The following TSC22D4 variants were observed in gnomAD, a reference collection of about 807,000 sequenced individuals.
TSC22D4 encodes TSC22 domain family member 4, also known as TSC22 domain family protein 4.
A neutral mutation model predicts 24.9 loss-of-function variants in TSC22D4; 5 were observed. The ratio of observed to expected loss-of-function variants is 0.20; its 90% CI spans 0.10 to 0.42. The LOEUF (loss-of-function observed/expected upper bound fraction) is 0.42. TSC22D4 is among the 10% of genes least tolerant of loss of function. The probability of loss-of-function intolerance (pLI) is 1.00; values close to 1 mark genes in which losing one functional copy is unlikely to be tolerated. For missense variants in TSC22D4, 469 were observed against 547.9 expected, an observed-to-expected ratio of 0.86 and a Z score of 1.44; for synonymous variants, 245 against 243.2, an observed-to-expected ratio of 1.01 and a Z score of -0.07.
intron 1 of TSC22D4, 43 bp from the exon 2 acceptor site, chr7:100,478,350 AGTGTGTGTGTGTGTGT>A (rs35439211): frequency 3.0e-4 from 25 of 83,732 alleles, no homozygotes; most frequent in South Asian, 1.4e-3. Flanking sequence ...AGAGAGAGAG[AGTGTGTGTGTGTGTGT>A]GTGTGTGTGT....
chr7:100,474,745 C>T lies in TSC22D4; in HGVS notation c.763-305G>A, dbSNP rs527883792. Among the ~76,000 whole-genome samples, 3 of 152,284 alleles carry T rather than the reference C, an allele frequency of 2.0e-5. No homozygotes were observed. In the East Asian group the frequency reaches 5.8e-4, roughly 29 times the overall value. On this transcript the variant is annotated intron_variant, in intron 2 of 4. Coordinates refer to ENST00000300181, the MANE Select transcript of TSC22D4 (RefSeq NM_030935.5). The surrounding 1 kb of genome is among the most constrained non-coding windows in gnomAD (Gnocchi z 4.3). ...CCCAGAATAGACTCCAATGCCCCAG[C>T]TCCCACTGGGCCGGGACCCCTAATC... is the stretch of plus-strand genomic sequence containing the variant.
At position 100,478,123 on chromosome 7, in the gene TSC22D4, C is replaced by T. The variant is rs1799544894; in HGVS notation, c.-85G>A. On this transcript the variant is annotated 5_prime_UTR_variant, in exon 2 of 5. The change creates a premature stop within an existing upstream ORF in the 5' untranslated region. Transcript: ENST00000300181. ...CTCAGGCACCCCTGGAACAAGGGGG[C>T]CACATGGCGGGGACATCCGAGCCCC... 3 of 1,220,678 alleles carry T rather than the reference C, an allele frequency of 2.5e-6. No individual in the cohort carries two copies. Among genetic ancestry groups the T allele is most frequent in the Non-Finnish European group, 2.2e-6 (2 of 891,552 alleles). The allele number at this position is 1,220,678 out of a possible 1,614,324, so 75.6% of individuals were successfully genotyped here.
chr7:100,473,768 A>AT (rs113027130), intron 3 of TSC22D4: 55,937 of 143,416 alleles, frequency 0.39, 10,700 homozygotes, highest in Admixed American at 0.49. Context: ...ATATATATAT[A>AT]TTTTTTTTTT....
At chr7:100,475,123 G>A (rs910086881) in intron 2 of TSC22D4, among the ~76,000 whole-genome samples, 1 of 152,028 alleles carries the variant, frequency 6.6e-6, no homozygotes, top group African/African-American at 2.4e-5. Flanking sequence ...TCGCTCTGTC[G>A]CCCATGCTGG....
chr7:100,473,630 C>G (rs1302944295), intron 3 of TSC22D4, among the ~76,000 whole-genome samples: 1 of 151,800 alleles, frequency 6.6e-6, no homozygotes, highest in Non-Finnish European at 1.5e-5. Flanking sequence ...TTAGTACAGA[C>G]AGGGTTTCAC....
chr7:100,476,241 G>C (rs891244999), intron 2 of TSC22D4, among the ~76,000 whole-genome samples: 1 of 149,392 alleles, frequency 6.7e-6, no homozygotes, highest in Non-Finnish European at 1.5e-5. Flanking sequence ...TTGGGGGAGG[G>C]GGGGTAGGAG....
chr7:100,477,168 T>C lies in TSC22D4; in HGVS notation c.762+109A>G, dbSNP rs1192080548. ...GCACAGAGAAGAGGGCTATCTGATCTTATAAAGTGATGGAGAAGGAGGAGG... is the reference window on the plus strand; with the variant it reads ...GCACAGAGAAGAGGGCTATCTGATCCTATAAAGTGATGGAGAAGGAGGAGG... On this transcript the variant is annotated intron_variant, in intron 2 of 4. Coordinates refer to ENST00000300181, the MANE Select transcript of TSC22D4 (RefSeq NM_030935.5). This position sits in a 1 kb window ranked among gnomAD's most constrained non-coding sequence, Gnocchi z 7.8. The C allele has an allele frequency of 2.0e-6, 2 of 1,000,474 alleles. No individual in the cohort carries two copies. 62.0% of individuals were successfully genotyped at this position (1,000,474 alleles called of 1,614,324 possible).
At chr7:100,467,403 G>C in intron 4 of TSC22D4, 149 bp downstream of exon 4, 1 of 929,836 alleles carries the variant, frequency 1.1e-6, no homozygotes, top group Non-Finnish European at 1.7e-6. Flanking sequence ...GTGGTGGCAG[G>C]AGGGGGCAGA....
intron 4 of TSC22D4, 187 bp from the exon 5 acceptor site, chr7:100,467,355 G>T: frequency 1.2e-6 from 1 of 841,092 alleles, no homozygotes. Context: ...ATGGGGACCA[G>T]TAGCCAGACT....
At chr7:100,470,888 C>T (rs974835414) in intron 3 of TSC22D4, among the ~76,000 whole-genome samples, 17 of 152,120 alleles carry the variant, frequency 1.1e-4, no homozygotes, top group Admixed American at 7.9e-4. Context: ...CAAATATGAG[C>T]GGCACCCCCT....
At chr7:100,467,735 T>C in intron 3 of TSC22D4, 135 bp from the exon 4 acceptor site, 14 of 957,044 alleles carry the variant, frequency 1.5e-5, no homozygotes, top group Non-Finnish European at 2.1e-5. Context: ...GTTTTGTCCA[T>C]CCCCCTGCGG....
At chr7:100,475,185 C>T (rs1799472869) in intron 2 of TSC22D4, among the ~76,000 whole-genome samples, 1 of 152,140 alleles carries the variant, frequency 6.6e-6, no homozygotes, top group Admixed American at 6.5e-5. Context: ...CCAGGTTAAA[C>T]TGATTCTCCT....
chr7:100,468,440 G>T (rs1364346953), intron 3 of TSC22D4, among the ~76,000 whole-genome samples: 1 of 152,128 alleles, frequency 6.6e-6, no homozygotes, highest in Non-Finnish European at 1.5e-5. Context: ...AAAGAGGGTG[G>T]AGGTGGCTGG....
At chr7:100,476,789 G>A (rs1799503816) in intron 2 of TSC22D4, among the ~76,000 whole-genome samples, 1 of 152,314 alleles carries the variant, frequency 6.6e-6, no homozygotes, top group African/African-American at 2.4e-5. Context: ...GGACTGAGAT[G>A]GGTGGCTGGG....
At chr7:100,475,303 T>A (rs894271423) in intron 2 of TSC22D4, among the ~76,000 whole-genome samples, 4 of 152,146 alleles carry the variant, frequency 2.6e-5, no homozygotes, top group Non-Finnish European at 5.9e-5. Flanking sequence ...GCCAGGCTGG[T>A]CTTGAACTCC....
chr7:100,475,140 G>A (rs964841455), intron 2 of TSC22D4, among the ~76,000 whole-genome samples: 10 of 152,216 alleles, frequency 6.6e-5, no homozygotes, highest in African/African-American at 1.2e-4. Context: ...CTGGAGTGCA[G>A]TGACGTGATC....
intron 2 of TSC22D4, among the ~76,000 whole-genome samples, chr7:100,476,908 G>A (rs1407417926): frequency 1.3e-5 from 2 of 152,244 alleles, no homozygotes; most frequent in East Asian, 1.9e-4. Context: ...TCCTCCCCTA[G>A]GGACCCAGCT....
chr7:100,472,017 G>C (rs758126702), intron 3 of TSC22D4, among the ~76,000 whole-genome samples: 1 of 151,832 alleles, frequency 6.6e-6, no homozygotes, highest in Non-Finnish European at 1.5e-5. Context: ...TGCCTGCCGG[G>C]AGGGGACAAG....
intron 3 of TSC22D4, 28 bp from the exon 4 acceptor site, chr7:100,467,628 G>C: frequency 2.5e-6 from 4 of 1,613,292 alleles, no homozygotes; most frequent in Non-Finnish European, 3.4e-6. Flanking sequence ...GGTGAGGGGA[G>C]GAGAGGAGAA....
Sources: allele counts gnomAD v4.1 joint callset (sites outside exome capture counted in the v4.1 genomes callset), GRCh38; gene constraint gnomAD v4.1.1; non-coding constraint Gnocchi (gnomAD v3.1); transcripts MANE v1.5; gene names NCBI Gene and HGNC (gene_info 2026-07-23, HGNC 2026-07-21).